The following CLEC16A variants were observed in gnomAD, a reference collection of about 807,000 sequenced individuals.
The protein encoded by CLEC16A is protein CLEC16A.
In CLEC16A, 51 loss-of-function variants were observed where a neutral mutation model predicts 109.5. The observed-to-expected ratio is 0.47, with a 90% CI of 0.37 to 0.59. CLEC16A has a LOEUF of 0.59. CLEC16A is among the 20% of genes least tolerant of loss of function. CLEC16A has a pLI of 0.00. For synonymous variants in CLEC16A, 673 were observed against 564.2 expected, an observed-to-expected ratio of 1.19 and a Z score of -2.73; for missense variants, 1,339 against 1,394.0, an observed-to-expected ratio of 0.96 and a Z score of 0.63.
At chr16:10,999,822 G>A (rs1314826063) in intron 10 of CLEC16A, among the ~76,000 whole-genome samples, 1 of 152,080 alleles carries the variant, frequency 6.6e-6, no homozygotes. Flanking sequence ...GGCACTCTCT[G>A]AAGGAACTTT....
chr16:11,163,310 GGA>G (rs2054791645), intron 22 of CLEC16A, among the ~76,000 whole-genome samples: 1 of 151,856 alleles, frequency 6.6e-6, no homozygotes, highest in South Asian at 2.1e-4. Context: ...GCAAAATAAA[GGA>G]AAAAAAAAGC....
chr16:10,965,360 A>G (rs1302720467), intron 3 of CLEC16A, among the ~76,000 whole-genome samples: 1 of 152,236 alleles, frequency 6.6e-6, no homozygotes, highest in East Asian at 1.9e-4. Flanking sequence ...AAATGTCCTC[A>G]TTGTTAAATA....
At chr16:11,027,210 A>C (rs2046457730) in intron 13 of CLEC16A, 2 of 1,424,092 alleles carry the variant, frequency 1.4e-6, no homozygotes, top group East Asian at 4.5e-5. Flanking sequence ...CTGGCAGCAG[A>C]AACCTGACAA....
chr16:11,061,161 A>G (rs2048460354), intron 19 of CLEC16A, 139 bp downstream of exon 19: 1 of 1,014,578 alleles, frequency 9.9e-7, no homozygotes, highest in African/African-American at 1.7e-5. Context: ...ACCTTGAGCC[A>G]GCGGTGTGCA....
At chr16:10,994,823 T>G (rs1477043559) in intron 10 of CLEC16A, among the ~76,000 whole-genome samples, 1 of 152,214 alleles carries the variant, frequency 6.6e-6, no homozygotes. Context: ...CTACTGTTTC[T>G]CTGATTAGTG....
At chr16:10,989,807 C>T (rs554436590) in intron 10 of CLEC16A, among the ~76,000 whole-genome samples, 26 of 152,314 alleles carry the variant, frequency 1.7e-4, no homozygotes, top group Admixed American at 1.6e-3. Flanking sequence ...AGCCTTGCTT[C>T]TCTGGGTTGT....
intron 4 of CLEC16A, 99 bp from the exon 5 acceptor site, chr16:10,971,026 G>GTT: frequency 3.0e-6 from 1 of 330,892 alleles, no homozygotes; most frequent in Non-Finnish European, 5.1e-6. Flanking sequence ...TTTTTTTTTT[G>GTT]TCTTTTTCTG....
intron 19 of CLEC16A, among the ~76,000 whole-genome samples, chr16:11,086,666 C>G (rs948412950): frequency 6.6e-6 from 1 of 152,168 alleles, no homozygotes; most frequent in Non-Finnish European, 1.5e-5. Context: ...CCTCAGCCTC[C>G]CAAGTGGCTG....
chr16:10,979,132 C>T (rs1208362133), intron 8 of CLEC16A, among the ~76,000 whole-genome samples, 197 bp from the exon 9 acceptor site: 1 of 152,116 alleles, frequency 6.6e-6, no homozygotes, highest in Non-Finnish European at 1.5e-5. Context: ...AAAATAGTGT[C>T]CTTGCAAACA....
At chr16:11,151,311 T>C (rs187133086) in intron 22 of CLEC16A, among the ~76,000 whole-genome samples, 4 of 152,354 alleles carry the variant, frequency 2.6e-5, no homozygotes, top group African/African-American at 9.6e-5. Flanking sequence ...TGTCAGGCTC[T>C]GGGTGGCACC....
At chr16:11,051,725 C>A in intron 18 of CLEC16A, 84 bp downstream of exon 18, 1 of 1,547,260 alleles carries the variant, frequency 6.5e-7, no homozygotes, top group South Asian at 1.2e-5. Flanking sequence ...GCTTCTTTGT[C>A]AAAGTCAAGA....
At chr16:11,022,651 G>C (rs2046178616) in intron 12 of CLEC16A, among the ~76,000 whole-genome samples, 1 of 152,024 alleles carries the variant, frequency 6.6e-6, no homozygotes, top group South Asian at 2.1e-4. Flanking sequence ...TGTAATCGCA[G>C]CACTTTGGGA....
intron 19 of CLEC16A, among the ~76,000 whole-genome samples, chr16:11,073,340 C>A (rs1462051151): frequency 2.0e-5 from 3 of 152,084 alleles, no homozygotes; most frequent in African/African-American, 4.8e-5. Context: ...CACTCCCAAC[C>A]CTCCTCCAAC....
chr16:11,016,154 C>T (rs1363269112), intron 11 of CLEC16A, among the ~76,000 whole-genome samples: 4 of 146,260 alleles, frequency 2.7e-5, no homozygotes, highest in African/African-American at 5.0e-5. Context: ...AGATGAGAAG[C>T]GTTAAAAGAC....
intron 22 of CLEC16A, among the ~76,000 whole-genome samples, chr16:11,164,464 C>T (rs1035722212): frequency 2.6e-5 from 4 of 152,174 alleles, no homozygotes; most frequent in South Asian, 2.1e-4. Flanking sequence ...CAGGTCCCAT[C>T]TGTAGGTGAA....
intron 19 of CLEC16A, among the ~76,000 whole-genome samples, chr16:11,096,834 G>A (rs926974358): frequency 4.6e-5 from 7 of 152,110 alleles, no homozygotes; most frequent in East Asian, 1.9e-4. Context: ...CTGATTTTGC[G>A]TTGATGTAAA....
chr16:10,948,401 T>A (rs2041542675), intron 1 of CLEC16A, among the ~76,000 whole-genome samples: 1 of 152,220 alleles, frequency 6.6e-6, no homozygotes, highest in South Asian at 2.1e-4. Context: ...AGTTAGTGAT[T>A]TAGCTCAGGC....
rs1483815205 is a variant in CLEC16A, at chr16:10,954,805, C to T, written c.81-2977C>T. Among the ~76,000 whole-genome samples, 1 of 152,170 alleles carries T rather than the reference C, an allele frequency of 6.6e-6. No individual in the cohort carries two copies. The highest frequency in any genetic ancestry group is 2.4e-5 in the African/African-American group (1 of 41,436). ...CTGAACCTTCCCATCACGACTCCTG[C>T]CCTGAAGCCCTCTTTCCCTGTTTGA... On this transcript the variant is annotated intron_variant, in intron 1 of 23. Coordinates refer to ENST00000409790, the MANE Select transcript of CLEC16A (RefSeq NM_015226.3). This position sits in a 1 kb window ranked among gnomAD's most constrained non-coding sequence, Gnocchi z 4.2.
chr16:11,108,190 A>G (rs542296046), intron 19 of CLEC16A, among the ~76,000 whole-genome samples: 2 of 152,352 alleles, frequency 1.3e-5, no homozygotes, highest in South Asian at 4.1e-4. Flanking sequence ...TTGCTAACTG[A>G]TGGATTCTAG....
Sources: allele counts gnomAD v4.1 joint callset (sites outside exome capture counted in the v4.1 genomes callset), GRCh38; gene constraint gnomAD v4.1.1; non-coding constraint Gnocchi (gnomAD v3.1); transcripts MANE v1.5; gene names NCBI Gene and HGNC (gene_info 2026-07-23, HGNC 2026-07-21).